The following DIXDC1 variants were observed in gnomAD, a reference collection of about 807,000 sequenced individuals.
DIXDC1 encodes dixin.
In DIXDC1, 64 loss-of-function variants were observed where a neutral mutation model predicts 103.1. The observed-to-expected ratio is 0.62, with a 90% CI of 0.51 to 0.76. DIXDC1 has a LOEUF of 0.76. Ranked by LOEUF, DIXDC1 falls within the 30% of genes least tolerant of loss-of-function variation. The pLI is 0.00. For synonymous variants in DIXDC1, 266 were observed against 298.5 expected, an observed-to-expected ratio of 0.89 and a Z score of 1.12; for missense variants, 759 against 834.2, an observed-to-expected ratio of 0.91 and a Z score of 1.11.
At chr11:111,936,901 C>T (rs1415888433), upstream of DIXDC1, among the ~76,000 whole-genome samples, 7 of 149,918 alleles carry the variant, frequency 4.7e-5, no homozygotes, top group Non-Finnish European at 8.9e-5. Context: ...TCCCCACGGG[C>T]ACACCCGCCT....
chr11:111,951,589 G>A (rs1462510806), intron 1 of DIXDC1, among the ~76,000 whole-genome samples: 1 of 152,124 alleles, frequency 6.6e-6, no homozygotes, highest in African/African-American at 2.4e-5. Context: ...AAATCATATA[G>A]TTTGGCTATG....
chr11:111,965,149 T>G (rs1859686075), intron 2 of DIXDC1, among the ~76,000 whole-genome samples: 1 of 152,164 alleles, frequency 6.6e-6, no homozygotes, highest in African/African-American at 2.4e-5. Context: ...AAGAGGGATG[T>G]TACTGGCAAA....
At chr11:111,973,954 G>C (rs1555172306) in intron 3 of DIXDC1, 69 bp from the exon 4 acceptor site, 3 of 1,454,416 alleles carry the variant, frequency 2.1e-6, no homozygotes, top group Non-Finnish European at 2.8e-6. Context: ...AAATGCAGAA[G>C]TCCTCAGCTT....
chr11:111,999,196 T>A (rs1318684298), intron 17 of DIXDC1, among the ~76,000 whole-genome samples: 1 of 152,246 alleles, frequency 6.6e-6, no homozygotes, highest in Non-Finnish European at 1.5e-5. Context: ...ATAATTAAAT[T>A]TCCTGAAAGA....
upstream of DIXDC1, chr11:111,937,128 G>T: frequency 1.5e-6 from 1 of 684,142 alleles, no homozygotes; most frequent in Non-Finnish European, 1.7e-6. Flanking sequence ...GCTGCGGCCC[G>T]GGCGGGGGGG....
chr11:111,956,034 T>A (rs1408649655), intron 1 of DIXDC1, among the ~76,000 whole-genome samples: 1 of 146,500 alleles, frequency 6.8e-6, no homozygotes, highest in East Asian at 2.0e-4. Context: ...GGTGGACTAT[T>A]ATTCAGCCTT....
chr11:111,957,009 A>T (rs189527800), intron 1 of DIXDC1, among the ~76,000 whole-genome samples: 54 of 151,918 alleles, frequency 3.6e-4, no homozygotes, highest in Admixed American at 1.8e-3. Flanking sequence ...TCTATAAAAA[A>T]AATAATAATA....
intron 16 of DIXDC1, among the ~76,000 whole-genome samples, 181 bp from the exon 17 acceptor site, chr11:111,995,899 T>A (rs958973775): frequency 1.3e-5 from 2 of 152,184 alleles, no homozygotes; most frequent in African/African-American, 4.8e-5. Context: ...GAAAATGCAC[T>A]GGAAACCAGA....
Position 111,974,272 on chromosome 11 carries a change from G to A in DIXDC1, c.548+18G>A, listed in dbSNP as rs1186419865. 6.2e-7 allele frequency: 1 copy of A among 1,602,462 alleles called. No homozygotes were observed. Among genetic ancestry groups the A allele is most frequent in the Admixed American group, 1.7e-5 (1 of 58,356 alleles). On this transcript the variant is annotated intron_variant, in intron 4 of 19. Transcript: ENST00000440460. Reference sequence around the variant, plus strand: ...AGACAGAGGTAAGGGTAGAAATCTGGGGGTGGGAACTGATCCCTCTCTCTG... The same window carrying A: ...AGACAGAGGTAAGGGTAGAAATCTGAGGGTGGGAACTGATCCCTCTCTCTG...
At chr11:111,960,891 CAT>C (rs1262892197) in intron 1 of DIXDC1, among the ~76,000 whole-genome samples, 2 of 152,138 alleles carry the variant, frequency 1.3e-5, no homozygotes, top group Non-Finnish European at 1.5e-5. Context: ...TTACAAGAAT[CAT>C]ATGGGAAAGC....
intron 17 of DIXDC1, among the ~76,000 whole-genome samples, chr11:112,008,145 A>G (rs587771953): frequency 1.8e-3 from 274 of 151,774 alleles, no homozygotes; most frequent in African/African-American, 6.4e-3. Flanking sequence ...AAAAAAAAAA[A>G]AAGAAAAGCA....
chr11:111,983,955 C>T (rs1256662488), intron 7 of DIXDC1, among the ~76,000 whole-genome samples: 1 of 152,112 alleles, frequency 6.6e-6, no homozygotes, highest in Non-Finnish European at 1.5e-5. Flanking sequence ...TAGTTAGAAC[C>T]CTTTGAACAG....
chr11:111,949,706 T>G (rs1592552377), intron 1 of DIXDC1, among the ~76,000 whole-genome samples: 1 of 152,164 alleles, frequency 6.6e-6, no homozygotes, highest in Admixed American at 6.5e-5. Context: ...TCCAACATTA[T>G]CACCTGCTCC....
Position 111,967,285 on chromosome 11 carries a change from C to G in DIXDC1, c.191-1228C>G, listed in dbSNP as rs371666260. 2.6e-5 allele frequency among the ~76,000 whole-genome samples: 4 copies of G among 152,208 alleles called. No homozygotes were observed. In the East Asian group the frequency reaches 7.7e-4, roughly 29 times the overall value. The stretch of plus-strand genomic sequence containing the variant: ...TAATCAGAAATTTGGATGTCCTTCC[C>G]CCTACCAATCCCTTTATTCTCCAAG... On this transcript the variant is annotated intron_variant, in intron 2 of 19. Coordinates refer to ENST00000440460, the MANE Select transcript of DIXDC1 (RefSeq NM_001037954.4).
chr11:111,987,990 T>C (rs1860554012), intron 9 of DIXDC1, among the ~76,000 whole-genome samples: 1 of 151,636 alleles, frequency 6.6e-6, no homozygotes, highest in Non-Finnish European at 1.5e-5. Context: ...CTTTTATTTA[T>C]TTGTTTTGTT....
At chr11:111,971,748 CTATAT>C (rs1555172084) in intron 3 of DIXDC1, among the ~76,000 whole-genome samples, 161 of 151,716 alleles carry the variant, frequency 1.1e-3, no homozygotes, top group African/African-American at 3.7e-3. Flanking sequence ...ATATCTATAT[CTATAT>C]CTATATCTAT....
chr11:111,975,256 C>T (rs1436904158), intron 5 of DIXDC1: 1 of 1,245,790 alleles, frequency 8.0e-7, no homozygotes, highest in Non-Finnish European at 1.0e-6. Flanking sequence ...TGGCTGGAAC[C>T]TGTCAGGGCC....
intron 4 of DIXDC1, among the ~76,000 whole-genome samples, chr11:111,974,648 G>A (rs888305367): frequency 6.6e-6 from 1 of 152,162 alleles, no homozygotes; most frequent in Non-Finnish European, 1.5e-5. Flanking sequence ...ATGCTTTGTG[G>A]GTTGTGTATC....
chr11:111,983,043 T>TA (rs1860369290), intron 7 of DIXDC1, among the ~76,000 whole-genome samples: 1 of 152,262 alleles, frequency 6.6e-6, no homozygotes, highest in Non-Finnish European at 1.5e-5. Flanking sequence ...TAGTGCCAGC[T>TA]CGGCAAATCT....
Sources: allele counts gnomAD v4.1 joint callset (sites outside exome capture counted in the v4.1 genomes callset), GRCh38; gene constraint gnomAD v4.1.1; transcripts MANE v1.5; gene names NCBI Gene and HGNC (gene_info 2026-07-23, HGNC 2026-07-21).